DPP6: variants seen among roughly 807,000 people sequenced by gnomAD.
DPP6 encodes the protein dipeptidyl peptidase like 6, also known as A-type potassium channel modulatory protein DPP6.
Under a neutral mutation model 122.6 loss-of-function variants are expected in DPP6, and 69 were observed. The ratio of observed to expected loss-of-function variants is 0.56; its 90% CI spans 0.46 to 0.69. The LOEUF (loss-of-function observed/expected upper bound fraction) is 0.69, where lower values mean the gene tolerates loss of function less well. Among genes scored for constraint, DPP6 ranks in the 30% least tolerant of loss-of-function variants. The pLI, the probability that DPP6 is intolerant of heterozygous loss-of-function variation, is 0.00. For missense variants in DPP6, 928 were observed against 1,116.9 expected, an observed-to-expected ratio of 0.83 and a Z score of 2.41; for synonymous variants, 418 against 433.1, an observed-to-expected ratio of 0.97 and a Z score of 0.43.
chr7:154,462,120 C>T (rs1245627732), intron 2 of DPP6, among the ~76,000 whole-genome samples: 1 of 152,108 alleles, frequency 6.6e-6, no homozygotes, highest in East Asian at 1.9e-4. Flanking sequence ...AAGAGACTGT[C>T]CTTTCCCCAA....
chr7:154,214,737 T>C (rs548030321), intron 1 of DPP6, among the ~76,000 whole-genome samples: 2 of 152,220 alleles, frequency 1.3e-5, no homozygotes, highest in East Asian at 3.9e-4. Context: ...GGAAACATAG[T>C]GAGACCCGTC....
chr7:154,076,826 T>G, intron 1 of DPP6, among the ~76,000 whole-genome samples: 1 of 151,954 alleles, frequency 6.6e-6, no homozygotes, highest in Non-Finnish European at 1.5e-5. Flanking sequence ...ATAAATGCCT[T>G]GTAAACTGTA....
At chr7:154,640,166 C>A (rs1331310381) in intron 6 of DPP6, among the ~76,000 whole-genome samples, 1 of 152,066 alleles carries the variant, frequency 6.6e-6, no homozygotes, top group Non-Finnish European at 1.5e-5. Flanking sequence ...GCAGGAGAAT[C>A]GCTTGAACCT....
At chr7:153,927,004 A>AT (rs1205041413) in intron 1 of DPP6, among the ~76,000 whole-genome samples, 6,454 of 145,786 alleles carry the variant, frequency 0.044, 250 homozygotes, top group African/African-American at 0.11. Context: ...TTTAAGTTAA[A>AT]TTTTTTTTTT....
At chr7:153,942,444 T>C (rs1801740283) in intron 1 of DPP6, among the ~76,000 whole-genome samples, 1 of 152,200 alleles carries the variant, frequency 6.6e-6, no homozygotes. Flanking sequence ...CAGGTGGCCC[T>C]CAGAGGCATT....
At chr7:153,910,623 C>T (rs1800047856) in intron 1 of DPP6, among the ~76,000 whole-genome samples, 1 of 152,114 alleles carries the variant, frequency 6.6e-6, no homozygotes, top group African/African-American at 2.4e-5. Context: ...CAAATTTCCC[C>T]CAGACTTCAC....
the DPP6 span, among the ~76,000 whole-genome samples, chr7:153,874,240 G>A: frequency 6.5e-4 from 85 of 130,986 alleles, no homozygotes; most frequent in African/African-American, 2.4e-3. Context: ...ACATAAGCGC[G>A]CGTGCGCACA....
At chr7:153,815,409 G>A in the DPP6 span, among the ~76,000 whole-genome samples, 1 of 151,990 alleles carries the variant, frequency 6.6e-6, no homozygotes, top group Non-Finnish European at 1.5e-5. Context: ...GGGTACATGT[G>A]CACAATGTGC....
chr7:153,826,904 C>G, the DPP6 span, among the ~76,000 whole-genome samples: 1 of 151,836 alleles, frequency 6.6e-6, no homozygotes, highest in Non-Finnish European at 1.5e-5. Flanking sequence ...ATAATTTTGG[C>G]ATATAGATGG....
chr7:154,189,637 A>G (rs954331857), intron 1 of DPP6, among the ~76,000 whole-genome samples: 12 of 152,142 alleles, frequency 7.9e-5, no homozygotes, highest in Non-Finnish European at 1.5e-4. Flanking sequence ...CTCTTAATGG[A>G]GTAAATGGTG....
At chr7:154,366,803 AATC>A (rs776262203) in intron 1 of DPP6, among the ~76,000 whole-genome samples, 30 of 152,336 alleles carry the variant, frequency 2.0e-4, no homozygotes, top group Non-Finnish European at 3.8e-4. Context: ...GTGACTTTGT[AATC>A]ATCAGGACAT....
At chr7:154,576,771 G>A (rs1158491981) in intron 5 of DPP6, among the ~76,000 whole-genome samples, 3 of 152,130 alleles carry the variant, frequency 2.0e-5, no homozygotes, top group Non-Finnish European at 4.4e-5. Flanking sequence ...CAGCACCCAC[G>A]ACCTGCACGG....
At chr7:153,940,896 C>T (rs939883269) in intron 1 of DPP6, among the ~76,000 whole-genome samples, 10 of 152,264 alleles carry the variant, frequency 6.6e-5, no homozygotes, top group African/African-American at 1.9e-4. Flanking sequence ...AACCAGATTG[C>T]AGCTCCGAAA....
At chr7:154,255,813 A>G (rs560561016) in intron 1 of DPP6, among the ~76,000 whole-genome samples, 4 of 152,234 alleles carry the variant, frequency 2.6e-5, no homozygotes, top group African/African-American at 7.2e-5. Context: ...ACTTAAAATA[A>G]TAGGAAAAAT....
At chr7:154,063,080 C>G (rs1358727060) in intron 1 of DPP6, among the ~76,000 whole-genome samples, 1 of 131,706 alleles carries the variant, frequency 7.6e-6, no homozygotes, top group African/African-American at 2.7e-5. Flanking sequence ...AGAGCTATCC[C>G]CTCTTCCGCC....
At chr7:154,176,503 G>A (rs529595211) in intron 1 of DPP6, among the ~76,000 whole-genome samples, 56 of 152,366 alleles carry the variant, frequency 3.7e-4, no homozygotes, top group Non-Finnish European at 6.0e-4. Context: ...TTGCAACATG[G>A]TAAGGACAAG....
the DPP6 span, among the ~76,000 whole-genome samples, chr7:153,806,100 A>C: frequency 1.3e-5 from 2 of 151,912 alleles, no homozygotes; most frequent in Non-Finnish European, 2.9e-5. Context: ...AGTGTTTGGC[A>C]GCTCAGGACC....
intron 7 of DPP6, among the ~76,000 whole-genome samples, chr7:154,675,995 C>T (rs1252880950): frequency 1.3e-5 from 2 of 152,238 alleles, no homozygotes; most frequent in Non-Finnish European, 2.9e-5. Flanking sequence ...ATACAGGGCC[C>T]ATGAGGCCAA....
the DPP6 span, among the ~76,000 whole-genome samples, chr7:153,827,358 A>T: frequency 1.3e-5 from 2 of 152,154 alleles, no homozygotes; most frequent in Non-Finnish European, 2.9e-5. Flanking sequence ...CGGAGTAGAC[A>T]TCCTTTTCTC....
Sources: allele counts gnomAD v4.1 joint callset (sites outside exome capture counted in the v4.1 genomes callset), GRCh38; gene constraint gnomAD v4.1.1; transcripts MANE v1.5; gene names NCBI Gene and HGNC (gene_info 2026-07-23, HGNC 2026-07-21).